Variants in RAP1GAP2 observed in about 807,000 individuals in gnomAD.
RAP1GAP2 encodes RAP1 GTPase activating protein 2.
In RAP1GAP2, 27 loss-of-function variants were observed where a neutral mutation model predicts 95.0. The ratio of observed to expected loss-of-function variants is 0.28; its 90% CI spans 0.21 to 0.39. The LOEUF is 0.39. RAP1GAP2 is among the 10% of genes least tolerant of loss of function. The pLI is 1.00. For synonymous variants in RAP1GAP2, 373 were observed against 380.9 expected (o/e 0.98, Z 0.24); for missense variants, 771 against 970.0 (o/e 0.79, Z 2.72).
At chr17:2,859,245 G>A (rs1335885366) in intron 2 of RAP1GAP2, among the ~76,000 whole-genome samples, 2 of 151,318 alleles carry the variant, frequency 1.3e-5, no homozygotes, top group Non-Finnish European at 2.9e-5. Context: ...CAAGTAGCTG[G>A]GATTACAGGC....
rs761276794 is a variant in RAP1GAP2, at chr17:3,008,062, C to T, written c.1411C>T (p.His471Tyr). Reference sequence around the variant, plus strand: ...CAACCTTCACGATGAGCTCCACGCCCACACACAGGCCATGCTGGGACTGGG... The same window carrying T: ...CAACCTTCACGATGAGCTCCACGCCTACACACAGGCCATGCTGGGACTGGG... Reference protein sequence around the residue: ...LDNLHDELHAHTQAMLGLGPE... With the variant: ...LDNLHDELHAYTQAMLGLGPE... Residue 471 changes from histidine to tyrosine, a missense_variant, in exon 17 of 25, where the codon CAC becomes TAC. By Grantham distance (83) the His-to-Tyr change is moderately conservative. Coordinates refer to ENST00000254695, the MANE Select transcript of RAP1GAP2 (RefSeq NM_015085.5). The surrounding 1 kb of genome is among the most constrained non-coding windows in gnomAD (Gnocchi z 4.2). 2.5e-6 allele frequency: 4 copies of T among 1,613,972 alleles called. No homozygotes were observed. Among genetic ancestry groups the T allele is most frequent in the Non-Finnish European group, 3.4e-6 (4 of 1,179,878 alleles).
chr17:2,981,844 TA>T (rs778582289), intron 10 of RAP1GAP2, among the ~76,000 whole-genome samples: 5 of 152,126 alleles, frequency 3.3e-5, no homozygotes, highest in Non-Finnish European at 7.4e-5. Flanking sequence ...GAGGAATAAT[TA>T]TGGCACAAGA....
intron 3 of RAP1GAP2, among the ~76,000 whole-genome samples, chr17:2,940,596 G>C (rs2043459149): frequency 1.3e-5 from 2 of 152,230 alleles, no homozygotes; most frequent in Non-Finnish European, 2.9e-5. Flanking sequence ...CGGAGCCTCA[G>C]AGTGTGGTTA....
intron 16 of RAP1GAP2, 79 bp downstream of exon 16, chr17:3,006,120 C>CTTTT (rs537126167): frequency 1.8e-4 from 72 of 409,790 alleles, no homozygotes; most frequent in East Asian, 6.7e-4. Context: ...GCTCCTCCAT[C>CTTTT]TTTTTTTTTT....
At chr17:2,914,794 CT>C (rs1351771209) in intron 3 of RAP1GAP2, among the ~76,000 whole-genome samples, 4,590 of 120,174 alleles carry the variant, frequency 0.038, 98 homozygotes, top group African/African-American at 0.079. Flanking sequence ...CCGGCCACTT[CT>C]TTTTTTTTTT....
chr17:2,987,877 A>C (rs1567860734), intron 11 of RAP1GAP2, among the ~76,000 whole-genome samples: 1 of 152,094 alleles, frequency 6.6e-6, no homozygotes, highest in Non-Finnish European at 1.5e-5. Flanking sequence ...TCTTGAAGTG[A>C]TTGGGTAGGC....
At chr17:2,813,119 T>G (rs1233435575) in intron 2 of RAP1GAP2, among the ~76,000 whole-genome samples, 2 of 151,224 alleles carry the variant, frequency 1.3e-5, no homozygotes, top group Admixed American at 6.6e-5. Flanking sequence ...TCGCCCAGGC[T>G]GGAGTGCAGT....
chr17:2,984,168 G>A (rs1411998637), intron 10 of RAP1GAP2, among the ~76,000 whole-genome samples: 2 of 152,014 alleles, frequency 1.3e-5, no homozygotes. Flanking sequence ...GGCCAACATG[G>A]TGAAACCCCG....
chr17:3,015,475 C>T (rs2046726803), intron 17 of RAP1GAP2, among the ~76,000 whole-genome samples: 2 of 152,156 alleles, frequency 1.3e-5, no homozygotes, highest in Admixed American at 1.3e-4. Flanking sequence ...TCAGGAGCAG[C>T]AGCCCTGCCA....
Position 2,972,615 on chromosome 17 carries a change from AAAAAG to A in RAP1GAP2, c.596+6973_596+6977del, listed in dbSNP as rs1398408393. Among the ~76,000 whole-genome samples the A allele has an allele frequency of 3.8e-3, 579 of 151,904 alleles. 3 individuals are homozygous for A. The highest frequency in any genetic ancestry group is 0.013 in the African/African-American group (521 of 41,370). ...GTCCTTCTCAAAAAAAAAAAAAAAA[AAAAAG>A]GATCTTTTTGAATAAAATCAGTCAA... is the stretch of plus-strand genomic sequence containing the variant. On this transcript the variant is annotated intron_variant, in intron 8 of 24. Coordinates refer to ENST00000254695, the MANE Select transcript of RAP1GAP2 (RefSeq NM_015085.5).
intron 3 of RAP1GAP2, among the ~76,000 whole-genome samples, chr17:2,957,235 G>A (rs2044149490): frequency 6.6e-6 from 1 of 152,046 alleles, no homozygotes; most frequent in African/African-American, 2.4e-5. Context: ...GTGGTGCCTT[G>A]TGGGCAGGGG....
chr17:2,846,541 G>A (rs2071597391), intron 2 of RAP1GAP2, among the ~76,000 whole-genome samples: 1 of 152,096 alleles, frequency 6.6e-6, no homozygotes, highest in Admixed American at 6.6e-5. Context: ...CTCCCGAGTA[G>A]CTGGGATTAC....
chr17:2,998,259 C>T lies in RAP1GAP2; in HGVS notation c.1083C>T (p.Ala361=). ...RKRHIGNDIV[A]IIFQEENTPF... is the part of the protein sequence containing the mutation. ...GACACATTGGAAATGACATCGTGGC[C>T]ATCATCTTCCAAGAGGAAAACACGC... Residue 361 remains alanine (A), a synonymous_variant, in exon 14 of 25, where the codon GCC becomes GCT. Coordinates refer to ENST00000254695, the MANE Select transcript of RAP1GAP2 (RefSeq NM_015085.5). 1.2e-6 allele frequency: 2 copies of T among 1,613,988 alleles called. No individual in the cohort carries two copies. Among genetic ancestry groups the T allele is most frequent in the Non-Finnish European group, 1.7e-6 (2 of 1,179,856 alleles).
At chr17:2,895,548 T>C (rs1454452448) in intron 2 of RAP1GAP2, among the ~76,000 whole-genome samples, 8 of 151,320 alleles carry the variant, frequency 5.3e-5, no homozygotes, top group Non-Finnish European at 1.2e-4. Flanking sequence ...GCCCTAACCC[T>C]TGAGGCCTGT....
chr17:2,920,075 G>T (rs1426671237), intron 3 of RAP1GAP2, among the ~76,000 whole-genome samples: 1 of 151,070 alleles, frequency 6.6e-6, no homozygotes, highest in Non-Finnish European at 1.5e-5. Context: ...TGCGATCAGG[G>T]CTCACTGCAG....
At position 2,995,379 on chromosome 17, in the gene RAP1GAP2, G is replaced by A. The variant is rs768678126; in HGVS notation, c.957G>A (p.Val319=). ...GLDVTHGQTG[V]ESVYTTFRDR... ...ACGTGACCCACGGACAGACAGGGGT[G>A]GAATCAGTGTACACAACATTCCGGG... Residue 319 remains valine (V), a synonymous_variant, in exon 13 of 25, where the codon GTG becomes GTA. Transcript: ENST00000254695. 4 of 1,613,864 alleles carry A rather than the reference G, an allele frequency of 2.5e-6. No individual in the cohort carries two copies. The Admixed American group carries it at 5.0e-5, about 20-fold the overall frequency.
At chr17:3,021,284 CTG>C (rs1274019255) in intron 19 of RAP1GAP2, among the ~76,000 whole-genome samples, 1 of 152,116 alleles carries the variant, frequency 6.6e-6, no homozygotes, top group Non-Finnish European at 1.5e-5. Flanking sequence ...TTCTATCTAA[CTG>C]TATTTTTGTA....
At chr17:2,897,726 C>T (rs539706859) in intron 2 of RAP1GAP2, among the ~76,000 whole-genome samples, 2 of 152,118 alleles carry the variant, frequency 1.3e-5, no homozygotes, top group South Asian at 4.1e-4. Context: ...GGGGCCTCTT[C>T]CTTGGAGAAG....
chr17:2,833,618 A>G (rs529331543), intron 2 of RAP1GAP2, among the ~76,000 whole-genome samples: 1 of 140,540 alleles, frequency 7.1e-6, no homozygotes, highest in South Asian at 2.4e-4. Context: ...TGAACCTGGG[A>G]GGCGGAGCTT....
Sources: allele counts gnomAD v4.1 joint callset (sites outside exome capture counted in the v4.1 genomes callset), GRCh38; gene constraint gnomAD v4.1.1; non-coding constraint Gnocchi (gnomAD v3.1); transcripts MANE v1.5; gene names NCBI Gene and HGNC (gene_info 2026-07-23, HGNC 2026-07-21).